ANKRD12: variants seen among roughly 807,000 people sequenced by gnomAD.
The protein encoded by ANKRD12 is ankyrin repeat domain-containing protein 12.
Under a neutral mutation model 183.4 loss-of-function variants are expected in ANKRD12, and 85 were observed. The observed-to-expected ratio is 0.46, with a 90% CI of 0.39 to 0.56. ANKRD12 has a LOEUF of 0.56. ANKRD12 is among the 20% of genes least tolerant of loss of function. The probability of loss-of-function intolerance (pLI) is 0.00; values close to 1 mark genes in which losing one functional copy is unlikely to be tolerated. For synonymous variants in ANKRD12, 914 were observed against 800.2 expected, an observed-to-expected ratio of 1.14 and a Z score of -2.40; for missense variants, 2,405 against 2,357.1, an observed-to-expected ratio of 1.02 and a Z score of -0.42.
chr18:9,244,134 CA>C (rs541049879), intron 8 of ANKRD12, among the ~76,000 whole-genome samples: 1 of 151,950 alleles, frequency 6.6e-6, no homozygotes, highest in African/African-American at 2.4e-5. Flanking sequence ...AATTCCGTCT[CA>C]AAAAAATGAA....
At chr18:9,280,513 G>T (rs1479924137) in intron 12 of ANKRD12, among the ~76,000 whole-genome samples, 2 of 152,162 alleles carry the variant, frequency 1.3e-5, no homozygotes, top group African/African-American at 2.4e-5. Context: ...TGTAGGCCGG[G>T]TGTGGCAGTT....
At chr18:9,279,212 C>T (rs185853907) in intron 11 of ANKRD12, among the ~76,000 whole-genome samples, 2 of 152,288 alleles carry the variant, frequency 1.3e-5, no homozygotes, top group Admixed American at 6.5e-5. Context: ...TAAACTGTAA[C>T]ATTAAAATTA....
intron 10 of ANKRD12, among the ~76,000 whole-genome samples, chr18:9,274,280 C>A (rs187407076): frequency 1.3e-5 from 2 of 152,180 alleles, no homozygotes; most frequent in African/African-American, 4.8e-5. Context: ...TTTCTGCCAC[C>A]CTTCAAGCCC....
At position 9,256,687 on chromosome 18, in the gene ANKRD12, G is replaced by A. The variant is rs755592650; in HGVS notation, c.3420G>A (p.Arg1140=). ...AATCCAAAAATAAAGAACTTACTAG[G>A]TCAAAGAGTTCAGAAGTGACTGATG... is the stretch of plus-strand genomic sequence containing the variant. ...PTESKNKELT[R]SKSSEVTDAY... Residue 1140 remains arginine, a synonymous_variant, in exon 9 of 13, where the codon AGG becomes AGA. Transcript: ENST00000262126. 2.5e-6 allele frequency: 4 copies of A among 1,606,650 alleles called. No individual in the cohort carries two copies. In the South Asian group the frequency reaches 4.5e-5, roughly 18 times the overall value.
At chr18:9,190,550 A>G (rs2034388730) in intron 2 of ANKRD12, among the ~76,000 whole-genome samples, 1 of 152,216 alleles carries the variant, frequency 6.6e-6, no homozygotes, top group Non-Finnish European at 1.5e-5. Context: ...TATCAACAGC[A>G]TTGCATGCTC....
At chr18:9,261,773 CAT>C (rs1292766707) in intron 9 of ANKRD12, among the ~76,000 whole-genome samples, 1 of 152,226 alleles carries the variant, frequency 6.6e-6, no homozygotes, top group African/African-American at 2.4e-5. Context: ...TTTCTTCCCA[CAT>C]GATTCGTTTC....
At chr18:9,271,435 C>T (rs990927202) in intron 10 of ANKRD12, among the ~76,000 whole-genome samples, 2 of 152,044 alleles carry the variant, frequency 1.3e-5, no homozygotes, top group African/African-American at 4.8e-5. Flanking sequence ...AGGAGAACGG[C>T]GTGAACCCAG....
chr18:9,202,045 C>G (rs1054849198), intron 3 of ANKRD12, among the ~76,000 whole-genome samples: 3 of 152,154 alleles, frequency 2.0e-5, no homozygotes, highest in Non-Finnish European at 4.4e-5. Context: ...CCAAGCTGGT[C>G]TCAAACTCCT....
Position 9,257,913 on chromosome 18 carries a change from T to C in ANKRD12, c.4646T>C (p.Phe1549Ser). 3.1e-6 allele frequency: 5 copies of C among 1,613,974 alleles called. No individual in the cohort carries two copies. The highest frequency in any genetic ancestry group is 4.2e-6 in the Non-Finnish European group (5 of 1,179,962). The part of the protein sequence containing the change: ...NESTKDTENT[F>S]VLGDVQKTDA... The stretch of plus-strand genomic sequence containing the variant: ...TCTACAAAAGATACAGAAAATACTT[T>C]TGTCCTAGGAGATGTTCAAAAAACA... The change falls in exon 9 of 13, where the codon TTT becomes TCT. Residue 1549 changes from phenylalanine to serine, a missense_variant. By Grantham distance (155) the Phe-to-Ser change is radical. Transcript: ENST00000262126.
intron 1 of ANKRD12, among the ~76,000 whole-genome samples, chr18:9,138,552 A>G (rs1020193699): frequency 6.6e-6 from 1 of 152,210 alleles, no homozygotes; most frequent in African/African-American, 2.4e-5. Context: ...AAACAAAAAA[A>G]CATATGCTCA....
Position 9,256,659 on chromosome 18 carries a change from C to T in ANKRD12, c.3392C>T (p.Thr1131Ile). ...KDKEKTKHTP[T>I]ESKNKELTRS... ...AAAGAAAAAACAAAGCATACACCAA[C>T]TGAATCCAAAAATAAAGAACTTACT... Residue 1131 changes from threonine to isoleucine, a missense_variant, in exon 9 of 13, where the codon ACT becomes ATT. By Grantham distance (89) the Thr-to-Ile change is moderately conservative. This residue lies in a region of ANKRD12 where 1,983 missense variants were observed against 1,725.9 expected (regional missense o/e 1.15). Coordinates refer to ENST00000262126, the MANE Select transcript of ANKRD12 (RefSeq NM_015208.5). 6.2e-7 allele frequency: 1 copy of T among 1,607,450 alleles called. No individual in the cohort carries two copies. The highest frequency in any genetic ancestry group is 8.5e-7 in the Non-Finnish European group (1 of 1,178,522).
rs375944461 is a variant in ANKRD12, at chr18:9,258,667, C to T, written c.5400C>T (p.Pro1800=). The T allele has an allele frequency of 5.0e-6, 8 of 1,613,746 alleles. No homozygotes were observed. The African/African-American group carries it at 5.3e-5, about 11-fold the overall frequency. ...SRVPQPVQVS[P]SLLQAKEKTQ... ...TACCTCAGCCTGTGCAAGTGAGTCC[C>T]TCTTTACTACAAGCAAAAGAGAAAA... Residue 1800 remains proline (P), a synonymous_variant, in exon 9 of 13, where the codon CCC becomes CCT. Transcript: ENST00000262126.
intron 7 of ANKRD12, among the ~76,000 whole-genome samples, chr18:9,218,918 C>T (rs1270350034): frequency 1.3e-5 from 2 of 152,110 alleles, no homozygotes; most frequent in African/African-American, 4.8e-5. Flanking sequence ...GCCTCAGGCT[C>T]CCAAAGCGTT....
At chr18:9,214,552 T>A (rs570406880) in intron 6 of ANKRD12, among the ~76,000 whole-genome samples, 2 of 152,236 alleles carry the variant, frequency 1.3e-5, no homozygotes, top group South Asian at 4.2e-4. Flanking sequence ...CTTGCATATT[T>A]TTCATCGTGT....
chr18:9,273,926 A>C (rs997914931), intron 10 of ANKRD12, among the ~76,000 whole-genome samples: 1 of 152,234 alleles, frequency 6.6e-6, no homozygotes, highest in African/African-American at 2.4e-5. Flanking sequence ...TTTATGTCAC[A>C]TGGGAGCCAA....
At chr18:9,239,243 GCTA>G (rs1386026555) in intron 8 of ANKRD12, among the ~76,000 whole-genome samples, 2 of 152,112 alleles carry the variant, frequency 1.3e-5, no homozygotes, top group Non-Finnish European at 2.9e-5. Flanking sequence ...CTCAAAAATC[GCTA>G]CTAATTCTTT....
intron 1 of ANKRD12, among the ~76,000 whole-genome samples, chr18:9,164,949 CTT>C (rs953740983): frequency 6.6e-6 from 1 of 152,098 alleles, no homozygotes; most frequent in Non-Finnish European, 1.5e-5. Context: ...TCCTGAGTAT[CTT>C]TGTTAATTTT....
At chr18:9,138,204 T>G (rs2078190508) in intron 1 of ANKRD12, among the ~76,000 whole-genome samples, 1 of 152,172 alleles carries the variant, frequency 6.6e-6, no homozygotes, top group Non-Finnish European at 1.5e-5. Context: ...TTATCGTAAA[T>G]TAACTGTGTA....
At chr18:9,279,669 A>G in intron 12 of ANKRD12, 25 bp downstream of exon 12, 1 of 1,343,458 alleles carries the variant, frequency 7.4e-7, no homozygotes, top group Non-Finnish European at 1.0e-6. Flanking sequence ...AAGTCAGTTT[A>G]AATGAATGCT....
Sources: allele counts gnomAD v4.1 joint callset (sites outside exome capture counted in the v4.1 genomes callset), GRCh38; gene constraint gnomAD v4.1.1; regional missense constraint gnomAD v4.1.1; transcripts MANE v1.5; gene names NCBI Gene and HGNC (gene_info 2026-07-23, HGNC 2026-07-21).